The following SPATA2L variants were observed in gnomAD, a reference collection of about 807,000 sequenced individuals.
The protein encoded by SPATA2L is spermatogenesis-associated protein 2-like protein.
In SPATA2L, 5 loss-of-function variants were observed where a neutral mutation model predicts 8.7. The observed-to-expected ratio is 0.57, with a 90% CI of 0.30 to 1.21. The LOEUF is 1.21. Ranked by LOEUF, SPATA2L falls within the 50% of genes most tolerant of loss-of-function variation. The probability of loss-of-function intolerance (pLI) is 0.07; values close to 1 mark genes in which losing one functional copy is unlikely to be tolerated. For synonymous variants in SPATA2L, 358 were observed against 275.8 expected (o/e 1.30, Z -2.95); for missense variants, 671 against 591.0 (o/e 1.14, Z -1.40).
chr16:89,700,394 C>G (rs2060768184), intron 2 of SPATA2L, among the ~76,000 whole-genome samples: 1 of 152,190 alleles, frequency 6.6e-6, no homozygotes, highest in African/African-American at 2.4e-5. Context: ...TCCCGGCGGC[C>G]CTGCCCCCTC....
Position 89,698,211 on chromosome 16 carries a change from TC to T in SPATA2L, c.397del (p.Asp133ThrfsTer7). 1 of 1,612,994 alleles carries T rather than the reference TC, an allele frequency of 6.2e-7. No homozygotes were observed. The highest frequency in any genetic ancestry group is 8.5e-7 in the Non-Finnish European group (1 of 1,179,818). On this transcript the variant is annotated frameshift_variant, in exon 3 of 3. Transcript: ENST00000289805. LOFTEE classifies it low-confidence loss of function (END_TRUNC). ...GGCGGTCACCATGAGCCGATGGCTGTCTCTGCGTACGTAGCCCATCTTCTGG... is the reference window on the plus strand; with the variant it reads ...GGCGGTCACCATGAGCCGATGGCTGTTCTGCGTACGTAGCCCATCTTCTGG... Reference protein sequence around the residue: ...SFQKMGYVRRDSHRLMVTALP... With the variant: ...SFQKMGYVRRXSHRLMVTALP...
Position 89,696,755 on chromosome 16 carries a change from A to G in SPATA2L, c.*579T>C, listed in dbSNP as rs1021526569. 60 of 1,525,134 alleles carry G rather than the reference A, an allele frequency of 3.9e-5. No individual in the cohort carries two copies. The South Asian group carries it at 6.3e-4, about 16-fold the overall frequency. 94.5% of individuals were successfully genotyped at this position (1,525,134 alleles called of 1,614,324 possible). On this transcript the variant is annotated 3_prime_UTR_variant, in exon 3 of 3. Transcript: ENST00000289805. ...TCCACATCTGGTTTGAGGTCAGGTC[A>G]TTTCCTGTCTGTGGGCCCAGCTGCT... is the stretch of plus-strand genomic sequence containing the variant.
chr16:89,701,238 G>A lies in SPATA2L; in HGVS notation c.-1-5C>T, dbSNP rs562792986. 6 of 1,405,738 alleles carry A rather than the reference G, an allele frequency of 4.3e-6. No individual in the cohort carries two copies. Among genetic ancestry groups the A allele is most frequent in the Admixed American group, 5.8e-5 (2 of 34,720 alleles). 87.1% of individuals were successfully genotyped at this position (1,405,738 alleles called of 1,614,324 possible). A position where few individuals can be genotyped will look rare whatever the true frequency, so the allele number is the denominator to read the frequency against. ...GACAGCGAGCTGCTGCCCATCCTGC[G>A]GCGGACGGGGGTCGGGGGGGTCAGG... On this transcript the variant is annotated splice_region_variant and splice_polypyrimidine_tract_variant and intron_variant, in intron 1 of 2. Coordinates refer to ENST00000289805, the MANE Select transcript of SPATA2L (RefSeq NM_152339.4).
At chr16:89,700,370 A>C (rs2060767954) in intron 2 of SPATA2L, among the ~76,000 whole-genome samples, 1 of 152,052 alleles carries the variant, frequency 6.6e-6, no homozygotes, top group South Asian at 2.1e-4. Flanking sequence ...TACTCTTCCG[A>C]ATTAGCTCAG....
Position 89,697,585 on chromosome 16 carries a change from G to A in SPATA2L, c.1024C>T (p.Pro342Ser), listed in dbSNP as rs376813104. The A allele has an allele frequency of 1.7e-5, 28 of 1,600,046 alleles. No homozygotes were observed. The highest frequency in any genetic ancestry group is 2.4e-5 in the Non-Finnish European group (28 of 1,176,680). The part of the protein sequence containing the change: ...SPRRIRAEGV[P>S]ASAYRSVSEP... Reference sequence around the variant, plus strand: ...GAGACAGACCTATAGGCTGAGGCTGGTACCCCCTCTGCCCGAATACGCCTC... The same window carrying A: ...GAGACAGACCTATAGGCTGAGGCTGATACCCCCTCTGCCCGAATACGCCTC... Residue 342 changes from proline (P) to serine (S), a missense_variant, in exon 3 of 3, where the codon CCA becomes TCA. Coordinates refer to ENST00000289805, the MANE Select transcript of SPATA2L (RefSeq NM_152339.4).
chr16:89,698,052 C>T lies in SPATA2L; in HGVS notation c.557G>A (p.Arg186Gln), dbSNP rs1220051134. 5.0e-6 allele frequency: 8 copies of T among 1,598,074 alleles called. No homozygotes were observed. The highest frequency in any genetic ancestry group is 1.3e-5 in the African/African-American group (1 of 74,900). ...VLPAEELLQA[R>Q]RASGDVASCV... Reference sequence around the variant, plus strand: ...GGAGGCCACGTCCCCGCTGGCACGCCGTGCCTGCAGCAGCTCCTCAGCTGG... The same window carrying T: ...GGAGGCCACGTCCCCGCTGGCACGCTGTGCCTGCAGCAGCTCCTCAGCTGG... The change falls in exon 3 of 3, where the codon CGG (arginine) becomes CAG (glutamine). Residue 186 changes from arginine (R) to glutamine (Q), a missense_variant. By Grantham distance (43) the Arg-to-Gln change is conservative (BLOSUM62 1). Coordinates refer to ENST00000289805, the MANE Select transcript of SPATA2L (RefSeq NM_152339.4).
chr16:89,699,963 A>C (rs944411784), intron 2 of SPATA2L, among the ~76,000 whole-genome samples: 1 of 152,158 alleles, frequency 6.6e-6, no homozygotes, highest in Non-Finnish European at 1.5e-5. Flanking sequence ...CTAGCATCTA[A>C]TGCCTGGACA....
In SPATA2L at chr16:89,700,961, A is replaced by G. The variant is rs1411307925; in HGVS notation, c.272T>C (p.Leu91Pro). The change falls in exon 2 of 3, where the codon CTG becomes CCG. Residue 91 changes from leucine (L) to proline (P), a missense_variant. By Grantham distance (98) the Leu-to-Pro change is moderately conservative (BLOSUM62 -3). Transcript: ENST00000289805. ...LELAAVHLYL[L>P]PWRKEFTTIK... ...GGTGGTGAACTCCTTCCTCCAGGGCAGCAGGTACAGGTGCACCGCGGCGAG... is the reference window on the plus strand; with the variant it reads ...GGTGGTGAACTCCTTCCTCCAGGGCGGCAGGTACAGGTGCACCGCGGCGAG... 5.2e-6 allele frequency: 8 copies of G among 1,528,430 alleles called. No individual in the cohort carries two copies. Among genetic ancestry groups the G allele is most frequent in the Non-Finnish European group, 6.2e-6 (7 of 1,137,288 alleles). The allele number at this position is 1,528,430 out of a possible 1,614,324, so 94.7% of individuals were successfully genotyped here.
At position 89,697,389 on chromosome 16, in the gene SPATA2L, A is replaced by C. The variant is rs2060738959; in HGVS notation, c.1220T>G (p.Leu407Arg). 1 of 1,593,042 alleles carries C rather than the reference A, an allele frequency of 6.3e-7. No homozygotes were observed. Among genetic ancestry groups the C allele is most frequent in the Admixed American group, 1.7e-5 (1 of 58,240 alleles). Residue 407 changes from leucine to arginine, a missense_variant, in exon 3 of 3, where the codon CTA becomes CGA. Transcript: ENST00000289805. ...LLGDAQRRLWLQRAQMDTLLY... is the reference protein window; with the variant it reads ...LLGDAQRRLWRQRAQMDTLLY... Reference sequence around the variant, plus strand: ...CAGAGTGTCCATCTGTGCACGCTGTAGCCACAAGCGCCGCTGGGCGTCGCC... The same window carrying C: ...CAGAGTGTCCATCTGTGCACGCTGTCGCCACAAGCGCCGCTGGGCGTCGCC...
In SPATA2L at chr16:89,696,589, G is replaced by A. The variant is rs1301401927; in HGVS notation, c.*745C>T. 3.8e-6 allele frequency: 2 copies of A among 524,378 alleles called. No individual in the cohort carries two copies. The highest frequency in any genetic ancestry group is 6.7e-6 in the Non-Finnish European group (2 of 298,104). 32.5% of individuals were successfully genotyped at this position (524,378 alleles called of 1,614,324 possible). A position where few individuals can be genotyped will look rare whatever the true frequency, so the allele number is the denominator to read the frequency against. ...TGGGCTGCACCCACAGGGAATGGAG[G>A]GGAGGGGCACCATTACCACTGGACC... On this transcript the variant is annotated 3_prime_UTR_variant, in exon 3 of 3. Transcript: ENST00000289805.
rs769984830 is a variant in SPATA2L at position 89,697,843 on chromosome 16, C to T, written c.766G>A (p.Glu256Lys). 3.1e-6 allele frequency: 5 copies of T among 1,608,890 alleles called. No homozygotes were observed. Among genetic ancestry groups the T allele is most frequent in the Non-Finnish European group, 4.2e-6 (5 of 1,178,658 alleles). ...CAGAGTGGTGGCCTGTAGGCCAGCT[C>T]CGCCGGGGGCGAGTCAGGGCCTGGT... ...PSPGPDSPPAELAYRPPLWEQ... is the reference protein window; with the variant it reads ...PSPGPDSPPAKLAYRPPLWEQ... Residue 256 changes from glutamate to lysine, a missense_variant, in exon 3 of 3, where the codon GAG becomes AAG. Physicochemically the swap from Glu to Lys is moderately conservative, Grantham distance 56. Coordinates refer to ENST00000289805, the MANE Select transcript of SPATA2L (RefSeq NM_152339.4).
chr16:89,701,460 C>T (rs1219219183), intron 1 of SPATA2L, 168 bp downstream of exon 1: 1 of 426,186 alleles, frequency 2.3e-6, no homozygotes, highest in East Asian at 3.6e-5. Context: ...AGCGCCCCCG[C>T]ACCTCCAGCC....
In SPATA2L at chr16:89,697,043, G is replaced by A. The variant is rs2060734840; in HGVS notation, c.*291C>T. On this transcript the variant is annotated 3_prime_UTR_variant, in exon 3 of 3. Transcript: ENST00000289805. Reference sequence around the variant, plus strand: ...CTTCTCAGGGACAGGTTCAGGCACTGGCTGGAACAGGCTGGACCCCTCTAC... The same window carrying A: ...CTTCTCAGGGACAGGTTCAGGCACTAGCTGGAACAGGCTGGACCCCTCTAC... The A allele has an allele frequency of 1.4e-6, 2 of 1,410,192 alleles. No homozygotes were observed. Among genetic ancestry groups the A allele is most frequent in the Admixed American group, 2.8e-5 (1 of 35,244 alleles). 87.4% of individuals were successfully genotyped at this position (1,410,192 alleles called of 1,614,324 possible).
intron 2 of SPATA2L, among the ~76,000 whole-genome samples, chr16:89,699,972 C>T (rs2060765267): frequency 6.6e-6 from 1 of 152,224 alleles, no homozygotes; most frequent in Non-Finnish European, 1.5e-5. Context: ...AATGCCTGGA[C>T]ACGGCCCACG....
Position 89,697,780 on chromosome 16 carries a change from C to A in SPATA2L, c.829G>T (p.Ala277Ser), listed in dbSNP as rs763426883. Residue 277 changes from alanine to serine, a missense_variant, in exon 3 of 3, where the codon GCC (alanine) becomes TCC (serine). Coordinates refer to ENST00000289805, the MANE Select transcript of SPATA2L (RefSeq NM_152339.4). ...SAKLWGTGGR[A>S]WEPPAEELPQ... ...AGCTCCTCAGCTGGGGGCTCCCAGGCCCGGCCCCCAGTGCCCCACAGTTTG... is the reference window on the plus strand; with the variant it reads ...AGCTCCTCAGCTGGGGGCTCCCAGGACCGGCCCCCAGTGCCCCACAGTTTG... The A allele has an allele frequency of 3.7e-6, 6 of 1,600,104 alleles. No homozygotes were observed. Among genetic ancestry groups the A allele is most frequent in the Admixed American group, 1.7e-5 (1 of 58,228 alleles).
intron 2 of SPATA2L, among the ~76,000 whole-genome samples, chr16:89,699,884 G>A (rs528350632): frequency 6.6e-6 from 1 of 152,306 alleles, no homozygotes; most frequent in African/African-American, 2.4e-5. Context: ...CTTAGGTGAA[G>A]AACTAAAGGA....
chr16:89,699,284 C>T (rs745390719), intron 2 of SPATA2L, among the ~76,000 whole-genome samples: 10 of 152,172 alleles, frequency 6.6e-5, no homozygotes, highest in South Asian at 2.1e-4. Context: ...ATACAGATTT[C>T]GTTTGCTCCT....
In SPATA2L at chr16:89,698,174, G is replaced by A. The variant is rs1306989005; in HGVS notation, c.435C>T (p.Ala145=). The A allele has an allele frequency of 1.2e-6, 2 of 1,612,716 alleles. No individual in the cohort carries two copies. Among genetic ancestry groups the A allele is most frequent in the Admixed American group, 1.7e-5 (1 of 60,004 alleles). Reference sequence around the variant, plus strand: ...CCAGGGCCACCTGCACCAGCTGGCAGGCGGGGGGCAGGGCGGTCACCATGA... The same window carrying A: ...CCAGGGCCACCTGCACCAGCTGGCAAGCGGGGGGCAGGGCGGTCACCATGA... ...HRLMVTALPP[A]CQLVQVALGC... Residue 145 remains alanine, a synonymous_variant, in exon 3 of 3, where the codon GCC becomes GCT. Transcript: ENST00000289805.
intron 2 of SPATA2L, among the ~76,000 whole-genome samples, chr16:89,698,676 A>G (rs2060755060): frequency 1.3e-5 from 2 of 151,148 alleles, no homozygotes; most frequent in South Asian, 2.1e-4. Context: ...TAGTAGAGAC[A>G]GGGTTTCACC....
Sources: allele counts gnomAD v4.1 joint callset (sites outside exome capture counted in the v4.1 genomes callset), GRCh38; gene constraint gnomAD v4.1.1; transcripts MANE v1.5; gene names NCBI Gene and HGNC (gene_info 2026-07-23, HGNC 2026-07-21).